GNB1L: variants seen among roughly 807,000 people sequenced by gnomAD.
The protein encoded by GNB1L is guanine nucleotide-binding protein subunit beta-like protein 1.
In GNB1L, 20 loss-of-function variants were observed where a neutral mutation model predicts 29.1. The ratio of observed to expected loss-of-function variants is 0.69; its 90% CI spans 0.48 to 1.00. The LOEUF (loss-of-function observed/expected upper bound fraction) is 1.00. Among genes scored for constraint, GNB1L ranks in the 50% least tolerant of loss-of-function variants. The pLI is 0.00. For missense variants in GNB1L, 421 were observed against 464.9 expected (o/e 0.91, Z 0.87); for synonymous variants, 193 against 206.5 (o/e 0.93, Z 0.56).
chr22:19,850,137 C>T (rs1209181371), intron 2 of GNB1L: 1 of 985,470 alleles, frequency 1.0e-6, no homozygotes, highest in Admixed American at 6.1e-5. Context: ...CCAGAAACCA[C>T]AGCTGCAATG....
At chr22:19,804,557 A>C (rs1026955344) in intron 6 of GNB1L, among the ~76,000 whole-genome samples, 7 of 152,074 alleles carry the variant, frequency 4.6e-5, no homozygotes, top group Non-Finnish European at 8.8e-5. Context: ...TAAAAATTAA[A>C]AAATTTTTTA....
chr22:19,851,467 A>G (rs372257446), intron 2 of GNB1L: 3 of 1,613,982 alleles, frequency 1.9e-6, no homozygotes, highest in Non-Finnish European at 2.5e-6. Context: ...CCTTGGGCCC[A>G]GGGGTGCTCT....
At chr22:19,848,594 T>A in intron 2 of GNB1L, 1 of 985,498 alleles carries the variant, frequency 1.0e-6, no homozygotes, top group African/African-American at 1.7e-5. Context: ...CCTTCCTTTC[T>A]GGGCAGAGCC....
In GNB1L at chr22:19,788,783, T is replaced by C. The variant is rs754933178; in HGVS notation, c.910A>G (p.Thr304Ala). 3.1e-6 allele frequency: 5 copies of C among 1,612,220 alleles called. No individual in the cohort carries two copies. Among genetic ancestry groups the C allele is most frequent in the Non-Finnish European group, 4.2e-6 (5 of 1,179,580 alleles). ...HSAAVQCVAF[T>A]ADGLLAAGSK... Reference sequence around the variant, plus strand: ...CCCGCGGCCAGCAAGCCATCGGCGGTGAAGGCCACGCACTGGACAGCGGCG... The same window carrying C: ...CCCGCGGCCAGCAAGCCATCGGCGGCGAAGGCCACGCACTGGACAGCGGCG... Residue 304 changes from threonine (T) to alanine (A), a missense_variant, in exon 8 of 8, where the codon ACC becomes GCC. Physicochemically the swap from Thr to Ala is moderately conservative, Grantham distance 58. Transcript: ENST00000329517.
intron 2 of GNB1L, among the ~76,000 whole-genome samples, chr22:19,852,758 A>G (rs558242092): frequency 2.0e-5 from 3 of 152,150 alleles, no homozygotes; most frequent in Admixed American, 1.3e-4. Flanking sequence ...CAATAGTAGT[A>G]ACCTTTCACT....
At chr22:19,853,541 G>A (rs1938160476) in intron 2 of GNB1L, among the ~76,000 whole-genome samples, 1 of 152,156 alleles carries the variant, frequency 6.6e-6, no homozygotes, top group African/African-American at 2.4e-5. Context: ...GGCTCACTGG[G>A]AGCACAAGGC....
In GNB1L at chr22:19,788,366, AGTG is replaced by A. The variant is rs1449549746; in HGVS notation, c.*340_*342del. On this transcript the variant is annotated 3_prime_UTR_variant, in exon 8 of 8. Transcript: ENST00000329517. ...TGGGGGTCTGAGGGCACTGATGCTA[AGTG>A]GGGGACCAGGGCCTCCTCAGGGAGC... 5.5e-5 allele frequency: 32 copies of A among 578,746 alleles called. No homozygotes were observed. Among genetic ancestry groups the A allele is most frequent in the Non-Finnish European group, 3.1e-6 (1 of 325,326 alleles). The allele number at this position is 578,746 out of a possible 1,614,324, so 35.9% of individuals were successfully genotyped here.
intron 2 of GNB1L, chr22:19,846,407 C>A (rs773276569): frequency 1.6e-4 from 157 of 985,016 alleles, no homozygotes; most frequent in Non-Finnish European, 1.8e-4. Context: ...TGGGCACTGC[C>A]TACTCAACAG....
In GNB1L at chr22:19,785,676, T is replaced by A. The variant is rs1285864468; in HGVS notation, c.*3033A>T. ...TCATCCCAGGAGCTGCATGCTGACCTTCGCGTGCTGCCTCCGGGCCACCCC... is the reference window on the plus strand; with the variant it reads ...TCATCCCAGGAGCTGCATGCTGACCATCGCGTGCTGCCTCCGGGCCACCCC... On this transcript the variant is annotated 3_prime_UTR_variant, in exon 8 of 8. Transcript: ENST00000329517. The surrounding 1 kb of genome is among the most constrained non-coding windows in gnomAD (Gnocchi z 4.1). 1 of 152,266 alleles carries A rather than the reference T, an allele frequency of 6.6e-6. No individual in the cohort carries two copies. Among genetic ancestry groups the A allele is most frequent in the Non-Finnish European group, 1.5e-5 (1 of 68,050 alleles). The allele number at this position is 152,266 out of a possible 1,614,324, so 9.4% of individuals were successfully genotyped here.
At chr22:19,819,631 CT>C (rs1937562241) in intron 4 of GNB1L, among the ~76,000 whole-genome samples, 1 of 152,238 alleles carries the variant, frequency 6.6e-6, no homozygotes. Flanking sequence ...GAAACCTGCC[CT>C]TGTGCTAAGC....
intron 7 of GNB1L, among the ~76,000 whole-genome samples, chr22:19,800,607 C>T (rs997025960): frequency 6.6e-6 from 1 of 152,230 alleles, no homozygotes; most frequent in Non-Finnish European, 1.5e-5. Context: ...CCACCGACCA[C>T]CCAGGCCTGC....
At position 19,812,465 on chromosome 22, in the gene GNB1L, G is replaced by T; in HGVS notation, c.255-18C>A. ...GGCCCTGACTGCCAGACAAAGAGGAGACAGGCCTGAGACTCCCCTTGACAA... is the reference window on the plus strand; with the variant it reads ...GGCCCTGACTGCCAGACAAAGAGGATACAGGCCTGAGACTCCCCTTGACAA... On this transcript the variant is annotated intron_variant, in intron 4 of 7. Coordinates refer to ENST00000329517, the MANE Select transcript of GNB1L (RefSeq NM_053004.3). The T allele has an allele frequency of 6.2e-7, 1 of 1,605,754 alleles. No homozygotes were observed. Among genetic ancestry groups the T allele is most frequent in the Middle Eastern group, 1.7e-4 (1 of 6,016 alleles).
chr22:19,846,588 T>C (rs1355895358), intron 2 of GNB1L: 5 of 983,034 alleles, frequency 5.1e-6, no homozygotes, highest in Non-Finnish European at 4.8e-6. Context: ...GGCAGAACTA[T>C]GTCCCTTCAA....
rs1442829267 is a variant in GNB1L at position 19,816,488 on chromosome 22, A to G, written c.255-4041T>C. Among the ~76,000 whole-genome samples, 1 of 152,176 alleles carries G rather than the reference A, an allele frequency of 6.6e-6. No individual in the cohort carries two copies. Among genetic ancestry groups the G allele is most frequent in the African/African-American group, 2.4e-5 (1 of 41,438 alleles). On this transcript the variant is annotated intron_variant, in intron 4 of 7. Transcript: ENST00000329517. The surrounding 1 kb of genome is among the most constrained non-coding windows in gnomAD (Gnocchi z 4.4). ...AACCCTCACTCAGCTTAGGACACAC[A>G]GGCATTTAGAAGCCAGGACCTGGGT...
At chr22:19,813,356 G>A (rs1039531790) in intron 4 of GNB1L, among the ~76,000 whole-genome samples, 2 of 152,196 alleles carry the variant, frequency 1.3e-5, no homozygotes, top group African/African-American at 4.8e-5. Context: ...GGAGTCTCAA[G>A]CATCCTGTAG....
intron 2 of GNB1L, chr22:19,846,724 G>C (rs1018884401): frequency 2.8e-6 from 1 of 357,552 alleles, no homozygotes; most frequent in African/African-American, 2.2e-5. Flanking sequence ...GAGCTTATGA[G>C]AGATTAGGAC....
At chr22:19,850,784 C>T (rs1366764379) in intron 2 of GNB1L, 1 of 1,274,282 alleles carries the variant, frequency 7.8e-7, no homozygotes, top group Middle Eastern at 3.0e-4. Flanking sequence ...CCAGTTCAGT[C>T]CCAGCCAGTG....
rs143512468 is a variant in GNB1L at position 19,819,051 on chromosome 22, C to A, written c.254+1547G>T. ...CAGCCCCATCACCTCCACAAGACCA[C>A]GGGGGCGATGTCAGAACCCAGCCCT... On this transcript the variant is annotated intron_variant, in intron 4 of 7. Transcript: ENST00000329517. Among the ~76,000 whole-genome samples the A allele has an allele frequency of 8.1e-3, 1,233 of 152,306 alleles. 27 individuals are homozygous for A. The highest frequency in any genetic ancestry group is 0.028 in the African/African-American group (1,174 of 41,574).
At chr22:19,850,252 T>C in intron 2 of GNB1L, 1 of 985,306 alleles carries the variant, frequency 1.0e-6, no homozygotes, top group Non-Finnish European at 1.2e-6. Flanking sequence ...ATCCAACACG[T>C]GTTTAATGAG....
Sources: allele counts gnomAD v4.1 joint callset (sites outside exome capture counted in the v4.1 genomes callset), GRCh38; gene constraint gnomAD v4.1.1; non-coding constraint Gnocchi (gnomAD v3.1); transcripts MANE v1.5; gene names NCBI Gene and HGNC (gene_info 2026-07-23, HGNC 2026-07-21).